Variants in FNIP1 observed in about 807,000 individuals in gnomAD.
FNIP1 encodes folliculin interacting protein 1.
In FNIP1, 40 loss-of-function variants were observed where a neutral mutation model predicts 124.5. The observed-to-expected ratio is 0.32, with a 90% CI of 0.25 to 0.42. The LOEUF is 0.42. Ranked by LOEUF, FNIP1 falls within the 10% of genes least tolerant of loss-of-function variation. The probability of loss-of-function intolerance (pLI) is 1.00; values close to 1 mark genes in which losing one functional copy is unlikely to be tolerated. For synonymous variants in FNIP1, 472 were observed against 470.6 expected (o/e 1.00, Z -0.04); for missense variants, 1,176 against 1,403.7 (o/e 0.84, Z 2.59).
Position 131,642,966 on chromosome 5 carries a change from A to G in FNIP1, c.*1719T>C, listed in dbSNP as rs983477699. 2.6e-5 allele frequency: 4 copies of G among 152,328 alleles called. No homozygotes were observed. The highest frequency in any genetic ancestry group is 5.9e-5 in the Non-Finnish European group (4 of 68,040). The allele number at this position is 152,328 out of a possible 1,614,324, so 9.4% of individuals were successfully genotyped here. The stretch of plus-strand genomic sequence containing the variant: ...AAAAAGATTGACTCATAGAATTCCA[A>G]AATCAGACAACTGGATAATTTTGTT... On this transcript the variant is annotated 3_prime_UTR_variant, in exon 18 of 18. Transcript: ENST00000510461.
intron 1 of FNIP1, among the ~76,000 whole-genome samples, chr5:131,782,023 A>G (rs1192484810): frequency 1.3e-5 from 2 of 152,056 alleles, no homozygotes; most frequent in African/African-American, 2.4e-5. Flanking sequence ...GCATCGTGGC[A>G]AACACCTATA....
intron 15 of FNIP1, among the ~76,000 whole-genome samples, chr5:131,666,210 T>C (rs1222425986): frequency 1.3e-5 from 2 of 152,170 alleles, no homozygotes; most frequent in South Asian, 2.1e-4. Context: ...AGAAATCCTA[T>C]ACATGCTTTG....
chr5:131,759,638 A>C (rs1771160230), intron 1 of FNIP1, among the ~76,000 whole-genome samples: 1 of 152,174 alleles, frequency 6.6e-6, no homozygotes, highest in South Asian at 2.1e-4. Flanking sequence ...ACACTTATAC[A>C]TTGTTAGTGG....
chr5:131,657,736 C>CAGAAAAA (rs1767242148), intron 15 of FNIP1, among the ~76,000 whole-genome samples: 1 of 65,056 alleles, frequency 1.5e-5, no homozygotes, highest in African/African-American at 6.2e-5. Context: ...GAAAATAAGG[C>CAGAAAAA]AAAAAAAAAA....
intron 1 of FNIP1, among the ~76,000 whole-genome samples, chr5:131,773,821 T>A (rs1328392749): frequency 1.3e-5 from 2 of 152,146 alleles, no homozygotes; most frequent in Non-Finnish European, 2.9e-5. Flanking sequence ...GAGGTTTGTG[T>A]ATAGGTTTTA....
intron 15 of FNIP1, 53 bp from the exon 16 acceptor site, chr5:131,652,052 A>G: frequency 2.6e-6 from 4 of 1,529,746 alleles, no homozygotes; most frequent in Non-Finnish European, 2.7e-6. Context: ...GTTTCCAAAG[A>G]TAATGGTAAT....
intron 2 of FNIP1, among the ~76,000 whole-genome samples, chr5:131,739,713 T>A (rs1021871834): frequency 6.8e-6 from 1 of 146,870 alleles, no homozygotes; most frequent in Non-Finnish European, 1.5e-5. Flanking sequence ...CTCGGGAGGC[T>A]GAGGCAGGAG....
intron 9 of FNIP1, among the ~76,000 whole-genome samples, chr5:131,705,659 A>G (rs1769084480): frequency 2.0e-5 from 3 of 152,180 alleles, no homozygotes; most frequent in Admixed American, 2.0e-4. Context: ...ATGGTACAGT[A>G]ACCATGGAAA....
At chr5:131,647,858 A>T (rs1465143984) in intron 16 of FNIP1, among the ~76,000 whole-genome samples, 1 of 152,102 alleles carries the variant, frequency 6.6e-6, no homozygotes, top group Non-Finnish European at 1.5e-5. Context: ...CCATTTCCAA[A>T]ACTTTTTTCA....
intron 1 of FNIP1, among the ~76,000 whole-genome samples, chr5:131,752,360 G>A (rs1049808300): frequency 6.6e-6 from 1 of 151,866 alleles, no homozygotes; most frequent in Admixed American, 6.6e-5. Context: ...TGTATTCTTT[G>A]TTAATTTAAA....
chr5:131,684,028 AT>A (rs1383921942), intron 11 of FNIP1, among the ~76,000 whole-genome samples: 1 of 152,150 alleles, frequency 6.6e-6, no homozygotes, highest in Non-Finnish European at 1.5e-5. Context: ...TAACACATGT[AT>A]TTTTTCTGTA....
At chr5:131,730,045 T>G (rs764715458) in intron 3 of FNIP1, among the ~76,000 whole-genome samples, 1 of 152,074 alleles carries the variant, frequency 6.6e-6, no homozygotes, top group Non-Finnish European at 1.5e-5. Flanking sequence ...CCGGCCCACA[T>G]GGCTAATTTT....
chr5:131,645,309 CA>C (rs34663555), intron 17 of FNIP1, among the ~76,000 whole-genome samples: 51 of 132,422 alleles, frequency 3.9e-4, no homozygotes, highest in East Asian at 6.8e-4. Context: ...GACCCTGTCT[CA>C]AAAAAAAAAA....
At chr5:131,653,726 G>T (rs1767111665) in intron 15 of FNIP1, among the ~76,000 whole-genome samples, 1 of 152,106 alleles carries the variant, frequency 6.6e-6, no homozygotes. Flanking sequence ...TCTTTATACT[G>T]TTTGAACTTT....
intron 2 of FNIP1, among the ~76,000 whole-genome samples, chr5:131,738,808 C>T (rs781440867): frequency 1.2e-4 from 18 of 147,316 alleles, no homozygotes; most frequent in Non-Finnish European, 2.2e-4. Flanking sequence ...CCACTGCATC[C>T]GGCCTTTTTT....
At chr5:131,753,358 T>C (rs958944918) in intron 1 of FNIP1, among the ~76,000 whole-genome samples, 3 of 152,296 alleles carry the variant, frequency 2.0e-5, no homozygotes, top group African/African-American at 2.4e-5. Flanking sequence ...TAAACCCAAA[T>C]GCCACAGAGA....
At chr5:131,653,073 C>G (rs1767087438) in intron 15 of FNIP1, among the ~76,000 whole-genome samples, 4 of 152,140 alleles carry the variant, frequency 2.6e-5, no homozygotes. Flanking sequence ...ATTAATATCC[C>G]TCAGCACCAG....
At chr5:131,692,045 G>A (rs1171025021) in intron 11 of FNIP1, among the ~76,000 whole-genome samples, 1 of 151,776 alleles carries the variant, frequency 6.6e-6, no homozygotes, top group African/African-American at 2.4e-5. Flanking sequence ...ACAAAAAAGA[G>A]GGAAGGAAGG....
At chr5:131,659,963 A>C (rs948414121) in intron 15 of FNIP1, among the ~76,000 whole-genome samples, 4 of 152,184 alleles carry the variant, frequency 2.6e-5, no homozygotes, top group African/African-American at 9.6e-5. Flanking sequence ...CTCACATAGA[A>C]GTCCTTCCGA....
Sources: gnomAD v4.1 joint callset for allele counts (sites outside exome capture counted in the v4.1 genomes callset) on GRCh38, gnomAD v4.1.1 for gene constraint, MANE v1.5 for transcripts, NCBI Gene and HGNC (gene_info 2026-07-23, HGNC 2026-07-21) for gene names.